TEC: variants seen among roughly 807,000 people sequenced by gnomAD.
TEC encodes the protein tyrosine-protein kinase Tec.
TEC carries 72 observed loss-of-function variants against 93.0 expected under a neutral mutation model. That is an observed-to-expected ratio of 0.77 (90% CI 0.64 to 0.94). TEC has a LOEUF of 0.94. TEC is among the 40% of genes least tolerant of loss of function. The pLI, the probability that TEC is intolerant of heterozygous loss-of-function variation, is 0.00. For missense variants in TEC, 630 were observed against 757.9 expected (o/e 0.83, Z 1.98); for synonymous variants, 249 against 247.7 (o/e 1.01, Z -0.05).
chr4:48,158,179 G>A (rs144599708), intron 8 of TEC, among the ~76,000 whole-genome samples: 1 of 152,218 alleles, frequency 6.6e-6, no homozygotes, highest in East Asian at 1.9e-4. Flanking sequence ...GGAAACACAG[G>A]CCTTCCCTGA....
intron 14 of TEC, among the ~76,000 whole-genome samples, chr4:48,142,705 T>C (rs1221890362): frequency 6.6e-6 from 1 of 152,058 alleles, no homozygotes; most frequent in African/African-American, 2.4e-5. Context: ...TTTTTGAAAC[T>C]GAGTCTCGCT....
chr4:48,253,335 C>T (rs1724259089), intron 1 of TEC, among the ~76,000 whole-genome samples: 1 of 152,202 alleles, frequency 6.6e-6, no homozygotes, highest in Admixed American at 6.5e-5. Flanking sequence ...CCTGAAAATC[C>T]TTCCACCTCT....
chr4:48,205,561 C>A (rs540010439), intron 2 of TEC, among the ~76,000 whole-genome samples: 98 of 152,286 alleles, frequency 6.4e-4, no homozygotes, highest in African/African-American at 2.3e-3. Context: ...AGGAGGTTTT[C>A]CAGCCTATAT....
chr4:48,240,620 A>G (rs1033634800), intron 1 of TEC, among the ~76,000 whole-genome samples: 8 of 152,064 alleles, frequency 5.3e-5, no homozygotes, highest in African/African-American at 1.7e-4. Context: ...TCTTCCCTCT[A>G]TGTCCTTTCC....
chr4:48,246,674 A>G (rs9996158), intron 1 of TEC, among the ~76,000 whole-genome samples: 35,799 of 152,128 alleles, frequency 0.24, 4,699 homozygotes, highest in African/African-American at 0.36. Flanking sequence ...GGAAAGAAAA[A>G]TATTTTCAAC....
At chr4:48,173,927 C>A (rs1427514807) in intron 3 of TEC, among the ~76,000 whole-genome samples, 1 of 152,142 alleles carries the variant, frequency 6.6e-6, no homozygotes, top group Non-Finnish European at 1.5e-5. Flanking sequence ...CTTTCTTCTC[C>A]CAGTGTCTTT....
chr4:48,179,626 T>C (rs561822885), intron 2 of TEC, among the ~76,000 whole-genome samples: 70 of 151,672 alleles, frequency 4.6e-4, no homozygotes, highest in African/African-American at 1.6e-3. Flanking sequence ...TGACCTCAGG[T>C]AATCCACCCA....
intron 1 of TEC, among the ~76,000 whole-genome samples, chr4:48,264,075 T>G (rs910211610): frequency 5.7e-4 from 87 of 152,202 alleles, no homozygotes; most frequent in African/African-American, 2.1e-3. Flanking sequence ...AGAAATTTTT[T>G]TATTTCATGT....
chr4:48,227,132 A>C (rs1723492784), intron 2 of TEC, among the ~76,000 whole-genome samples: 1 of 152,206 alleles, frequency 6.6e-6, no homozygotes, highest in South Asian at 2.1e-4. Flanking sequence ...TGGGGACTTA[A>C]GGATAAAGGA....
intron 8 of TEC, among the ~76,000 whole-genome samples, chr4:48,163,089 A>C (rs1365077083): frequency 1.3e-5 from 2 of 152,142 alleles, no homozygotes; most frequent in African/African-American, 4.8e-5. Context: ...TGATTACATA[A>C]ATTATTGGAC....
chr4:48,185,585 T>C (rs1474349494), intron 2 of TEC, among the ~76,000 whole-genome samples: 2 of 152,202 alleles, frequency 1.3e-5, no homozygotes, highest in Non-Finnish European at 2.9e-5. Flanking sequence ...GTAACTTATA[T>C]GGGTGATTTA....
chr4:48,179,351 TATATATATATATATATATA>T (rs1721468542), intron 2 of TEC, among the ~76,000 whole-genome samples: 2 of 41,182 alleles, frequency 4.9e-5, no homozygotes, highest in African/African-American at 1.3e-4. Context: ...TATATATATA[TATATATATATATATATATA>T]TATATATTTT....
At chr4:48,209,811 GAC>G (rs1375358296) in intron 2 of TEC, among the ~76,000 whole-genome samples, 1 of 152,182 alleles carries the variant, frequency 6.6e-6, no homozygotes, top group East Asian at 1.9e-4. Context: ...TTAAAGTAGA[GAC>G]ACACCACTTT....
Position 48,225,655 on chromosome 4 carries a change from G to C in TEC, c.138+2822C>G, listed in dbSNP as rs1442032783. Among the ~76,000 whole-genome samples, 3 of 151,966 alleles carry C rather than the reference G, an allele frequency of 2.0e-5. No individual in the cohort carries two copies. The South Asian group carries it at 6.2e-4, about 32-fold the overall frequency. Reference sequence around the variant, plus strand: ...CTGTTGGGGAATTCAGCCCAGCACTGTCAGAACTTTTGTTATTTTAAGAAG... The same window carrying C: ...CTGTTGGGGAATTCAGCCCAGCACTCTCAGAACTTTTGTTATTTTAAGAAG... On this transcript the variant is annotated intron_variant, in intron 2 of 17. Transcript: ENST00000381501.
At chr4:48,234,887 G>C (rs186430646) in intron 1 of TEC, among the ~76,000 whole-genome samples, 16 of 152,246 alleles carry the variant, frequency 1.1e-4, no homozygotes, top group African/African-American at 3.4e-4. Flanking sequence ...AAAGCAAGAA[G>C]TAGCAATGTA....
intron 2 of TEC, among the ~76,000 whole-genome samples, chr4:48,202,622 G>T (rs111585757): frequency 6.6e-6 from 1 of 152,020 alleles, no homozygotes; most frequent in East Asian, 1.9e-4. Flanking sequence ...TTTCTTCAAG[G>T]CTTACCATAT....
At chr4:48,163,968 T>C (rs1720777818) in intron 7 of TEC, among the ~76,000 whole-genome samples, 1 of 152,228 alleles carries the variant, frequency 6.6e-6, no homozygotes, top group South Asian at 2.1e-4. Flanking sequence ...CCATAAAAAT[T>C]CTGCGGTAGG....
intron 1 of TEC, among the ~76,000 whole-genome samples, chr4:48,254,090 A>G (rs976224823): frequency 3.9e-5 from 6 of 152,064 alleles, no homozygotes; most frequent in Non-Finnish European, 8.8e-5. Flanking sequence ...AGTCTCCCTT[A>G]TTTTCCACTC....
At chr4:48,230,972 A>G (rs1723629896) in intron 1 of TEC, among the ~76,000 whole-genome samples, 1 of 152,242 alleles carries the variant, frequency 6.6e-6, no homozygotes, top group Non-Finnish European at 1.5e-5. Flanking sequence ...CTATGTCTAC[A>G]GCAATTAATG....
Sources: gnomAD v4.1 joint callset for allele counts (sites outside exome capture counted in the v4.1 genomes callset) on GRCh38, gnomAD v4.1.1 for gene constraint, MANE v1.5 for transcripts, NCBI Gene and HGNC (gene_info 2026-07-23, HGNC 2026-07-21) for gene names.